PCDH15: variants seen among roughly 807,000 people sequenced by gnomAD.
The protein encoded by PCDH15 is protocadherin related 15.
A neutral mutation model predicts 178.5 loss-of-function variants in PCDH15; 129 were observed. The ratio of observed to expected loss-of-function variants is 0.72; its 90% CI spans 0.63 to 0.84. PCDH15 has a LOEUF of 0.84. Among genes scored for constraint, PCDH15 ranks in the 40% least tolerant of loss-of-function variants. The probability of loss-of-function intolerance (pLI) is 0.00; values close to 1 mark genes in which losing one functional copy is unlikely to be tolerated. For synonymous variants in PCDH15, 800 were observed against 732.0 expected, an observed-to-expected ratio of 1.09 and a Z score of -1.50; for missense variants, 2,230 against 2,099.9, an observed-to-expected ratio of 1.06 and a Z score of -1.21.
upstream of PCDH15, among the ~76,000 whole-genome samples, chr10:54,806,045 A>G (rs1452912438): frequency 2.6e-5 from 4 of 152,186 alleles, no homozygotes; most frequent in Non-Finnish European, 4.4e-5. Context: ...GGAAAATAAA[A>G]CTAAAGAGAA....
intron 26 of PCDH15, among the ~76,000 whole-genome samples, chr10:53,887,118 T>C (rs539069421): frequency 6.6e-6 from 1 of 152,334 alleles, no homozygotes; most frequent in South Asian, 2.1e-4. Flanking sequence ...TAGTTCATAC[T>C]GACTTTCATT....
At chr10:55,486,370 G>T (rs1429168015) in intron 2 of PCDH15, among the ~76,000 whole-genome samples, 1 of 151,562 alleles carries the variant, frequency 6.6e-6, no homozygotes, top group African/African-American at 2.4e-5. Context: ...ATATGTATGA[G>T]TTGAAGAATT....
chr10:55,168,910 TTAAA>T (rs1839263219), intron 1 of PCDH15, among the ~76,000 whole-genome samples: 1 of 152,244 alleles, frequency 6.6e-6, no homozygotes, highest in East Asian at 1.9e-4. Flanking sequence ...AAATTAGATC[TTAAA>T]TAGAGAGTGT....
chr10:54,250,602 G>A (rs1448952084), intron 8 of PCDH15, among the ~76,000 whole-genome samples: 1 of 151,972 alleles, frequency 6.6e-6, no homozygotes, highest in Non-Finnish European at 1.5e-5. Flanking sequence ...TTTTAACACA[G>A]GTTTTCTCTA....
intron 20 of PCDH15, among the ~76,000 whole-genome samples, chr10:54,012,510 T>C (rs1362331766): frequency 1.3e-5 from 2 of 151,914 alleles, no homozygotes; most frequent in East Asian, 1.9e-4. Context: ...TCATTCTTTT[T>C]AAAATGAAAG....
At chr10:55,344,394 C>A (rs1376923096) in intron 2 of PCDH15, among the ~76,000 whole-genome samples, 1 of 151,956 alleles carries the variant, frequency 6.6e-6, no homozygotes. Context: ...CAGGGGAAAG[C>A]AGAGAGATAA....
intron 3 of PCDH15, among the ~76,000 whole-genome samples, chr10:54,471,098 G>C (rs1490258498): frequency 6.6e-6 from 1 of 152,054 alleles, no homozygotes; most frequent in East Asian, 1.9e-4. Flanking sequence ...TAATCATTCT[G>C]TATGTTACAT....
chr10:54,996,995 G>T (rs892116314), intron 2 of PCDH15, among the ~76,000 whole-genome samples: 1 of 151,576 alleles, frequency 6.6e-6, no homozygotes, highest in Non-Finnish European at 1.5e-5. Context: ...TGCAATCCTA[G>T]CTACTCAGGA....
rs1415412547 is a variant in PCDH15, at chr10:54,780,060, A to C, written c.-29+20865T>G. Among the ~76,000 whole-genome samples, 3 of 152,238 alleles carry C rather than the reference A, an allele frequency of 2.0e-5. No individual in the cohort carries two copies. In the South Asian group the frequency reaches 6.2e-4, roughly 32 times the overall value. On this transcript the variant is annotated intron_variant, in intron 1 of 37. Transcript: ENST00000644397. The stretch of plus-strand genomic sequence containing the variant: ...TTAGCCCTTTGGGGTGGTTTGCTTG[A>C]ATTCTATATAGAATTACAAAATGTT...
At chr10:53,926,529 T>C (rs536063249) in intron 25 of PCDH15, among the ~76,000 whole-genome samples, 3 of 152,328 alleles carry the variant, frequency 2.0e-5, no homozygotes, top group Non-Finnish European at 4.4e-5. Context: ...CTTTTACTTA[T>C]CTACTTCCTT....
intron 37 of PCDH15, chr10:53,808,670 C>T (rs1458505653): frequency 1.9e-6 from 3 of 1,603,750 alleles, no homozygotes; most frequent in Non-Finnish European, 1.7e-6. Flanking sequence ...CACAGCAAAA[C>T]TTCCACCTAC....
chr10:55,163,149 T>C (rs1290375711), intron 2 of PCDH15, among the ~76,000 whole-genome samples: 8 of 152,088 alleles, frequency 5.3e-5, no homozygotes. Flanking sequence ...TGAAAAGCCC[T>C]AGCCTCCACA....
At chr10:55,585,406 C>T (rs184479370) in intron 2 of PCDH15, among the ~76,000 whole-genome samples, 17 of 152,272 alleles carry the variant, frequency 1.1e-4, no homozygotes, top group East Asian at 1.9e-4. Flanking sequence ...TGGCCGGGCG[C>T]GTTGGCTCAA....
intron 3 of PCDH15, among the ~76,000 whole-genome samples, chr10:54,415,440 T>C (rs1232811997): frequency 6.6e-6 from 1 of 151,792 alleles, no homozygotes; most frequent in Non-Finnish European, 1.5e-5. Context: ...CTAAAGTAAG[T>C]AACAAGAGAA....
At chr10:55,445,295 A>T (rs573898168) in intron 2 of PCDH15, among the ~76,000 whole-genome samples, 1 of 152,102 alleles carries the variant, frequency 6.6e-6, no homozygotes, top group South Asian at 2.1e-4. Flanking sequence ...CATCCATGGT[A>T]AATAATCTAA....
Position 54,295,298 on chromosome 10 carries a change from A to G in PCDH15, c.876+21973T>C, listed in dbSNP as rs1290461651. On this transcript the variant is annotated intron_variant, in intron 8 of 37. Coordinates refer to ENST00000644397, the MANE Select transcript of PCDH15 (RefSeq NM_001384140.1). ...AGTGCTCTGTAAAATGGACCAATCA[A>G]TTCTCTGTAAAATGGACCAATCAGC... Among the ~76,000 whole-genome samples, 4 of 151,832 alleles carry G rather than the reference A, an allele frequency of 2.6e-5. No homozygotes were observed. In the South Asian group the frequency reaches 8.3e-4, roughly 31 times the overall value.
At chr10:55,188,632 GT>G (rs1343661735) in intron 1 of PCDH15, among the ~76,000 whole-genome samples, 1 of 151,510 alleles carries the variant, frequency 6.6e-6, no homozygotes, top group Non-Finnish European at 1.5e-5. Context: ...CATTTTTCCA[GT>G]TATTTTAGTT....
chr10:55,605,532 A>G (rs1843195916), intron 2 of PCDH15, among the ~76,000 whole-genome samples: 1 of 150,984 alleles, frequency 6.6e-6, no homozygotes, highest in African/African-American at 2.4e-5. Context: ...GCAGCACATC[A>G]AAAAGCTTAT....
chr10:55,439,158 C>G (rs1004664059), intron 2 of PCDH15, among the ~76,000 whole-genome samples: 1 of 152,068 alleles, frequency 6.6e-6, no homozygotes, highest in Non-Finnish European at 1.5e-5. Flanking sequence ...CTGCCTCAGC[C>G]TCTCAAATTA....
Sources: gnomAD v4.1 joint callset for allele counts (sites outside exome capture counted in the v4.1 genomes callset) on GRCh38, gnomAD v4.1.1 for gene constraint, MANE v1.5 for transcripts, NCBI Gene and HGNC (gene_info 2026-07-23, HGNC 2026-07-21) for gene names.